Variants in COL25A1 observed in about 807,000 individuals in gnomAD.
COL25A1 encodes the protein collagen type XXV alpha 1 chain.
COL25A1 carries 103 observed loss-of-function variants against 128.4 expected under a neutral mutation model. The observed-to-expected ratio is 0.80, with a 90% CI of 0.68 to 0.94. The LOEUF is 0.94. COL25A1 is among the 40% of genes least tolerant of loss of function. The pLI is 0.00. For synonymous variants in COL25A1, 279 were observed against 277.2 expected (o/e 1.01, Z -0.06); for missense variants, 745 against 840.0 (o/e 0.89, Z 1.40).
intron 8 of COL25A1, among the ~76,000 whole-genome samples, chr4:108,964,949 A>G (rs1472919778): frequency 2.0e-5 from 3 of 152,212 alleles, no homozygotes; most frequent in Non-Finnish European, 4.4e-5. Context: ...CTCAGGCAAT[A>G]CATTCAGTAC....
intron 18 of COL25A1, among the ~76,000 whole-genome samples, chr4:108,886,457 TG>T (rs1740788828): frequency 1.8e-5 from 2 of 109,480 alleles, no homozygotes; most frequent in African/African-American, 6.2e-5. Flanking sequence ...TGTGTGTGTG[TG>T]TGTGTGTGTG....
chr4:109,104,157 G>A (rs1766172226), intron 3 of COL25A1, among the ~76,000 whole-genome samples: 1 of 152,102 alleles, frequency 6.6e-6, no homozygotes, highest in South Asian at 2.1e-4. Context: ...AGGATCACTT[G>A]AGGCCAGGAG....
intron 8 of COL25A1, among the ~76,000 whole-genome samples, chr4:108,966,439 C>T (rs941874538): frequency 2.6e-5 from 4 of 152,132 alleles, no homozygotes; most frequent in African/African-American, 9.7e-5. Flanking sequence ...AGCTTGATAG[C>T]AGGATTTGAA....
chr4:108,850,011 C>G (rs1578536721), intron 26 of COL25A1, among the ~76,000 whole-genome samples: 1 of 152,032 alleles, frequency 6.6e-6, no homozygotes, highest in African/African-American at 2.4e-5. Context: ...TTTTATTTTG[C>G]CACAAACAAG....
chr4:108,830,279 A>C (rs2125725753), intron 32 of COL25A1, among the ~76,000 whole-genome samples: 1 of 152,356 alleles, frequency 6.6e-6, no homozygotes. Flanking sequence ...AGGGAGGATC[A>C]GATGCTTGCA....
At chr4:109,180,055 G>C (rs1202920627) in intron 3 of COL25A1, among the ~76,000 whole-genome samples, 1 of 152,150 alleles carries the variant, frequency 6.6e-6, no homozygotes, top group African/African-American at 2.4e-5. Context: ...GCATAAATAT[G>C]TTAAAATGGA....
At chr4:109,121,272 T>C (rs9998653) in intron 3 of COL25A1, among the ~76,000 whole-genome samples, 36,330 of 151,904 alleles carry the variant, frequency 0.24, 5,184 homozygotes, top group African/African-American at 0.39. Context: ...AGTGACAAAC[T>C]ATGAAAAATA....
Position 109,049,995 on chromosome 4 carries a change from T to C in COL25A1, c.412+140A>G, listed in dbSNP as rs146631559. Reference sequence around the variant, plus strand: ...GATTAAAAAATAATAAATAAACAAATACAACTAGGTCTAGCAGAGAAAGAT... The same window carrying C: ...GATTAAAAAATAATAAATAAACAAACACAACTAGGTCTAGCAGAGAAAGAT... On this transcript the variant is annotated intron_variant, in intron 4 of 37. Transcript: ENST00000399132. 7.5e-5 allele frequency: 42 copies of C among 561,568 alleles called. No individual in the cohort carries two copies. In the African/African-American group the frequency reaches 7.9e-4, roughly 11 times the overall value. 34.8% of individuals were successfully genotyped at this position (561,568 alleles called of 1,614,324 possible).
At chr4:108,990,266 A>G (rs1244038307) in intron 6 of COL25A1, among the ~76,000 whole-genome samples, 1 of 134,796 alleles carries the variant, frequency 7.4e-6, no homozygotes, top group Admixed American at 7.5e-5. Context: ...ATATATATAT[A>G]TATATATCTC....
chr4:109,017,172 G>C (rs1757300858), intron 5 of COL25A1, among the ~76,000 whole-genome samples: 1 of 152,222 alleles, frequency 6.6e-6, no homozygotes, highest in Non-Finnish European at 1.5e-5. Flanking sequence ...TCCAGCCACA[G>C]GTTTGCACAG....
chr4:109,276,465 C>A (rs1184978685), intron 3 of COL25A1, among the ~76,000 whole-genome samples: 1 of 151,746 alleles, frequency 6.6e-6, no homozygotes, highest in African/African-American at 2.4e-5. Flanking sequence ...ACAGTACTTG[C>A]CATAGTAGGT....
intron 3 of COL25A1, among the ~76,000 whole-genome samples, chr4:109,289,515 T>C (rs530667490): frequency 8.5e-5 from 13 of 152,284 alleles, no homozygotes; most frequent in Non-Finnish European, 1.6e-4. Context: ...ATATTTGCCA[T>C]TGATGTTTTC....
chr4:109,072,865 T>A (rs1042191332), intron 3 of COL25A1, among the ~76,000 whole-genome samples: 2 of 152,154 alleles, frequency 1.3e-5, no homozygotes, highest in African/African-American at 4.8e-5. Context: ...GGGGCCCACA[T>A]AAAACTTTAT....
intron 20 of COL25A1, among the ~76,000 whole-genome samples, chr4:108,868,835 A>C (rs1350787452): frequency 6.7e-6 from 1 of 149,156 alleles, no homozygotes; most frequent in East Asian, 2.0e-4. Flanking sequence ...GAAGGAATGA[A>C]GGAAGGAAGA....
chr4:108,889,817 A>G, intron 16 of COL25A1, 84 bp from the exon 17 acceptor site: 1 of 1,166,788 alleles, frequency 8.6e-7, no homozygotes, highest in Non-Finnish European at 1.3e-6. Flanking sequence ...TCACCAACAC[A>G]GGTACTCAAA....
intron 31 of COL25A1, chr4:108,834,206 G>A (rs1733502506): frequency 2.7e-6 from 2 of 751,586 alleles, no homozygotes; most frequent in African/African-American, 3.5e-5. Flanking sequence ...TCCCCCTTTT[G>A]CCGCCATCTT....
rs376323773 is a variant in COL25A1 at position 109,025,888 on chromosome 4, G to A, written c.421-15513C>T. Among the ~76,000 whole-genome samples, 20 of 152,120 alleles carry A rather than the reference G, an allele frequency of 1.3e-4. No individual in the cohort carries two copies. The South Asian group carries it at 3.9e-3, about 30-fold the overall frequency. The stretch of plus-strand genomic sequence containing the variant: ...AGAGAGGTTAAATAACGTTTCCTTA[G>A]TCAAACAGCTTCTAAAAGGGGAAGT... On this transcript the variant is annotated intron_variant, in intron 5 of 37. Transcript: ENST00000399132.
chr4:109,190,103 G>A (rs1164710302), intron 3 of COL25A1, among the ~76,000 whole-genome samples: 2 of 152,024 alleles, frequency 1.3e-5, no homozygotes, highest in East Asian at 3.9e-4. Context: ...CTCTAAAAAT[G>A]CAGAACCAAT....
intron 5 of COL25A1, among the ~76,000 whole-genome samples, chr4:109,038,980 T>C (rs1759611399): frequency 6.6e-6 from 1 of 152,200 alleles, no homozygotes; most frequent in South Asian, 2.1e-4. Flanking sequence ...GGCCTCACTA[T>C]GATTCGCCAG....
Sources: allele counts gnomAD v4.1 joint callset (sites outside exome capture counted in the v4.1 genomes callset), GRCh38; gene constraint gnomAD v4.1.1; transcripts MANE v1.5; gene names NCBI Gene and HGNC (gene_info 2026-07-23, HGNC 2026-07-21).